The following KIAA1755 variants were observed in gnomAD, a reference collection of about 807,000 sequenced individuals.
KIAA1755 encodes the protein KIAA1755.
KIAA1755 carries 68 observed loss-of-function variants against 91.7 expected under a neutral mutation model. The observed-to-expected ratio is 0.74, with a 90% CI of 0.61 to 0.91. The LOEUF is 0.91. Among genes scored for constraint, KIAA1755 ranks in the 40% least tolerant of loss-of-function variants. The pLI, the probability that KIAA1755 is intolerant of heterozygous loss-of-function variation, is 0.00. For synonymous variants in KIAA1755, 610 were observed against 604.6 expected (o/e 1.01, Z -0.13); for missense variants, 1,535 against 1,494.4 (o/e 1.03, Z -0.45).
At chr20:38,257,550 C>T (rs1354846112) in intron 1 of KIAA1755, among the ~76,000 whole-genome samples, 1 of 143,244 alleles carries the variant, frequency 7.0e-6, no homozygotes, top group Admixed American at 7.3e-5. Context: ...CACTGCACTA[C>T]AGCCTGGGCA....
chr20:38,236,287 A>G lies in KIAA1755; in HGVS notation c.1747+3241T>C, dbSNP rs73621930. ...AGTTAGAGATGTCTGTGAGACCTCC[A>G]CGCAGAGACATCAAGTAGTAAACAG... On this transcript the variant is annotated intron_variant, in intron 4 of 13. Coordinates refer to ENST00000279024, the MANE Select transcript of KIAA1755 (RefSeq NM_001029864.2). 5.3e-5 allele frequency among the ~76,000 whole-genome samples: 8 copies of G among 152,146 alleles called. 1 individual carries two copies. The East Asian group carries it at 1.5e-3, about 29-fold the overall frequency.
chr20:38,230,501 C>A (rs2075840413), intron 5 of KIAA1755, among the ~76,000 whole-genome samples: 1 of 152,200 alleles, frequency 6.6e-6, no homozygotes, highest in Non-Finnish European at 1.5e-5. Context: ...ATTTTCAGGT[C>A]CCACCCACCT....
In KIAA1755 at chr20:38,240,346, C is replaced by T. The variant is rs2076033512; in HGVS notation, c.1549+236G>A. Among the ~76,000 whole-genome samples, 5 of 152,350 alleles carry T rather than the reference C, an allele frequency of 3.3e-5. No individual in the cohort carries two copies. The South Asian group carries it at 1.0e-3, about 32-fold the overall frequency. On this transcript the variant is annotated intron_variant, in intron 3 of 13. Transcript: ENST00000279024. ...AACTCAGTACTTGGCCAACGTCACA[C>T]AGCCAGTGTATGGCAAAGGTGGAGT...
At chr20:38,232,242 C>T (rs1019171673) in intron 4 of KIAA1755, among the ~76,000 whole-genome samples, 4 of 152,184 alleles carry the variant, frequency 2.6e-5, no homozygotes, top group African/African-American at 7.2e-5. Flanking sequence ...ACAAACCTAA[C>T]CACCTTCACA....
chr20:38,244,640 C>G (rs1031155591), intron 2 of KIAA1755, among the ~76,000 whole-genome samples: 2 of 152,170 alleles, frequency 1.3e-5, no homozygotes, highest in African/African-American at 4.8e-5. Flanking sequence ...AAGGGAATGG[C>G]AAGTTCCTGT....
intron 4 of KIAA1755, chr20:38,233,185 G>T (rs2075900223): frequency 6.6e-6 from 1 of 152,166 alleles, no homozygotes; most frequent in Non-Finnish European, 1.5e-5. Flanking sequence ...GGAACACACT[G>T]AAGTATTTAG....
intron 12 of KIAA1755, 73 bp from the exon 13 acceptor site, chr20:38,217,547 T>C: frequency 9.2e-7 from 1 of 1,086,180 alleles, no homozygotes. Flanking sequence ...GTCAGCAACC[T>C]CCAGCTGCCT....
chr20:38,243,496 G>C (rs2076103744), intron 2 of KIAA1755, among the ~76,000 whole-genome samples: 1 of 152,224 alleles, frequency 6.6e-6, no homozygotes. Context: ...GCACCAGAGT[G>C]ATGATGGCTT....
intron 1 of KIAA1755, among the ~76,000 whole-genome samples, chr20:38,256,256 C>A (rs893767638): frequency 1.2e-4 from 18 of 152,174 alleles, no homozygotes; most frequent in Non-Finnish European, 4.4e-5. Flanking sequence ...GCTCAACAAC[C>A]TCGGGTGGCT....
Position 38,260,551 on chromosome 20 carries a change from G to A in KIAA1755, c.-51C>T. 1.3e-6 allele frequency: 2 copies of A among 1,481,658 alleles called. No individual in the cohort carries two copies. The highest frequency in any genetic ancestry group is 1.8e-6 in the Non-Finnish European group (2 of 1,119,058). The allele number at this position is 1,481,658 out of a possible 1,614,324, so 91.8% of individuals were successfully genotyped here. ...GCGCGGCTCCTCTCCTGGGCGCGGG[G>A]TCTGTGGGTCCGCGGGTCCGTCTGT... On this transcript the variant is annotated 5_prime_UTR_variant, in exon 1 of 14. Coordinates refer to ENST00000279024, the MANE Select transcript of KIAA1755 (RefSeq NM_001029864.2).
chr20:38,234,885 C>A (rs538238020), intron 4 of KIAA1755, among the ~76,000 whole-genome samples: 4 of 152,128 alleles, frequency 2.6e-5, no homozygotes, highest in Non-Finnish European at 5.9e-5. Context: ...TACCAGCTGG[C>A]GCCAGAAATA....
chr20:38,259,891 G>C (rs1401262932), intron 1 of KIAA1755, among the ~76,000 whole-genome samples: 1 of 149,610 alleles, frequency 6.7e-6, no homozygotes, highest in African/African-American at 2.5e-5. Context: ...CAAGGTTCCA[G>C]CTCCAAAAGT....
intron 1 of KIAA1755, among the ~76,000 whole-genome samples, chr20:38,251,659 G>A (rs1048984686): frequency 2.0e-5 from 3 of 150,358 alleles, no homozygotes; most frequent in South Asian, 2.1e-4. Flanking sequence ...TCCGCCTCCC[G>A]GGCTCAAGTG....
At chr20:38,245,299 T>C (rs2076137865) in intron 2 of KIAA1755, among the ~76,000 whole-genome samples, 2 of 152,224 alleles carry the variant, frequency 1.3e-5, no homozygotes, top group Admixed American at 1.3e-4. Context: ...GGAAGAATAA[T>C]GCCAACAAGC....
chr20:38,216,735 C>G (rs1332567304), intron 13 of KIAA1755: 7 of 438,490 alleles, frequency 1.6e-5, no homozygotes, highest in Non-Finnish European at 2.8e-5. Flanking sequence ...CATTGGTTCC[C>G]TGTCATCAAA....
In KIAA1755 at chr20:38,219,702, G is replaced by T. The variant is rs532394114; in HGVS notation, c.2484C>A (p.Thr828=). 1 of 1,614,000 alleles carries T rather than the reference G, an allele frequency of 6.2e-7. No homozygotes were observed. The highest frequency in any genetic ancestry group is 1.3e-5 in the African/African-American group (1 of 74,934). The change falls in exon 11 of 14, where the codon ACC becomes ACA. Residue 828 remains threonine (T), a synonymous_variant. Transcript: ENST00000279024. ...GCTTCCCCAGGAGGCTGTTGGAAGC[G>T]GTGACCAGAACATGAAGCTGCTCGT... The part of the protein sequence containing the change: ...LVDEQLHVLV[T]ASNSLLGKLE...
At position 38,241,512 on chromosome 20, in the gene KIAA1755, C is replaced by G; in HGVS notation, c.619G>C (p.Glu207Gln). The G allele has an allele frequency of 6.2e-7, 1 of 1,614,254 alleles. No individual in the cohort carries two copies. The highest frequency in any genetic ancestry group is 8.5e-7 in the Non-Finnish European group (1 of 1,180,052). Residue 207 changes from glutamate to glutamine, a missense_variant, in exon 3 of 14, where the codon GAG (glutamate) becomes CAG (glutamine). By Grantham distance (29) the Glu-to-Gln change is conservative. Coordinates refer to ENST00000279024, the MANE Select transcript of KIAA1755 (RefSeq NM_001029864.2). ...LCQAWGPLPL[E>Q]ALDLSSPQEL... ...TGAGGGCTGCTCAAATCCAGTGCCT[C>G]TAATGGAAGGGGCCCCCAGGCTTGG...
chr20:38,235,921 C>A (rs955210202), intron 4 of KIAA1755, among the ~76,000 whole-genome samples: 1 of 152,186 alleles, frequency 6.6e-6, no homozygotes, highest in South Asian at 2.1e-4. Context: ...CTTCACAGGG[C>A]TGGCTTGGAG....
chr20:38,232,833 G>A (rs1174534704), intron 4 of KIAA1755, among the ~76,000 whole-genome samples: 1 of 151,818 alleles, frequency 6.6e-6, no homozygotes, highest in Non-Finnish European at 1.5e-5. Context: ...CATTTTGTTA[G>A]GGGGCCGGGT....
Sources: gnomAD v4.1 joint callset for allele counts (sites outside exome capture counted in the v4.1 genomes callset) on GRCh38, gnomAD v4.1.1 for gene constraint, MANE v1.5 for transcripts, NCBI Gene and HGNC (gene_info 2026-07-23, HGNC 2026-07-21) for gene names.